Variants in GRM1 observed in about 807,000 individuals in gnomAD.
The protein encoded by GRM1 is metabotropic glutamate receptor 1.
In GRM1, 33 loss-of-function variants were observed where a neutral mutation model predicts 90.9. The ratio of observed to expected loss-of-function variants is 0.36; its 90% confidence interval spans 0.28 to 0.49. The LOEUF is 0.49. Ranked by LOEUF, GRM1 falls within the 20% of genes least tolerant of loss-of-function variation. The pLI is 0.99. For missense variants in GRM1, 1,190 were observed against 1,534.3 expected, an observed-to-expected ratio of 0.78 and a Z score of 3.75; for synonymous variants, 700 against 613.2, an observed-to-expected ratio of 1.14 and a Z score of -2.09.
At chr6:146,258,619 A>G (rs1781573479) in intron 2 of GRM1, among the ~76,000 whole-genome samples, 1 of 152,110 alleles carries the variant, frequency 6.6e-6, no homozygotes, top group South Asian at 2.1e-4. Flanking sequence ...TCCTGGGCTC[A>G]AGAGATCCTC....
intron 6 of GRM1, 126 bp from the exon 7 acceptor site, chr6:146,398,643 A>G: frequency 2.5e-6 from 2 of 784,984 alleles, no homozygotes; most frequent in Non-Finnish European, 4.6e-6. Flanking sequence ...TGCATTTTTA[A>G]AAAAGCATTA....
At chr6:146,420,463 G>A (rs1317686231) in intron 7 of GRM1, among the ~76,000 whole-genome samples, 1 of 152,236 alleles carries the variant, frequency 6.6e-6, no homozygotes, top group African/African-American at 2.4e-5. Flanking sequence ...AAATGACTGT[G>A]ACTCAGCTCA....
chr6:146,400,328 T>A (rs1447474428), intron 7 of GRM1, among the ~76,000 whole-genome samples: 1 of 152,208 alleles, frequency 6.6e-6, no homozygotes, highest in Non-Finnish European at 1.5e-5. Context: ...TTCCACGATG[T>A]TATACATGAA....
At chr6:146,222,413 G>A (rs1780094373) in intron 2 of GRM1, among the ~76,000 whole-genome samples, 1 of 152,014 alleles carries the variant, frequency 6.6e-6, no homozygotes, top group Non-Finnish European at 1.5e-5. Context: ...GTGTGTCTGT[G>A]TGTGTATGTG....
intron 1 of GRM1, among the ~76,000 whole-genome samples, chr6:146,145,358 C>CA (rs1777055269): frequency 6.6e-6 from 1 of 152,164 alleles, no homozygotes; most frequent in African/African-American, 2.4e-5. Context: ...GCTGTCCCCC[C>CA]ATCACAGCCC....
chr6:146,058,616 G>T (rs920718248), intron 1 of GRM1, among the ~76,000 whole-genome samples: 2 of 152,070 alleles, frequency 1.3e-5, no homozygotes, highest in Non-Finnish European at 2.9e-5. Flanking sequence ...AATAAAGTTT[G>T]CCACATCAAT....
In GRM1 at chr6:146,315,167, C is replaced by T. The variant is rs1456033701; in HGVS notation, c.1186+10321C>T. Among the ~76,000 whole-genome samples the T allele has an allele frequency of 3.3e-5, 5 of 152,218 alleles. No individual in the cohort carries two copies. In the East Asian group the frequency reaches 9.7e-4, roughly 29 times the overall value. Reference sequence around the variant, plus strand: ...GAGTTCAAGACCAGCCTGGGAACTACTGCAAGACCCTGTCTCTCCAAAAAG... The same window carrying T: ...GAGTTCAAGACCAGCCTGGGAACTATTGCAAGACCCTGTCTCTCCAAAAAG... On this transcript the variant is annotated intron_variant, in intron 3 of 7. Transcript: ENST00000282753.
At chr6:146,202,410 C>T (rs1359326379) in intron 2 of GRM1, among the ~76,000 whole-genome samples, 1 of 152,096 alleles carries the variant, frequency 6.6e-6, no homozygotes, top group South Asian at 2.1e-4. Context: ...ATCATCATAC[C>T]TATCTCACAG....
intron 3 of GRM1, among the ~76,000 whole-genome samples, chr6:146,314,115 G>A (rs1344650470): frequency 8.3e-6 from 1 of 120,618 alleles, no homozygotes; most frequent in Non-Finnish European, 1.6e-5. Flanking sequence ...TGCCCAGGCT[G>A]GAATGCAATA....
intron 3 of GRM1, among the ~76,000 whole-genome samples, chr6:146,327,583 T>A (rs1422735173): frequency 6.6e-6 from 1 of 152,190 alleles, no homozygotes; most frequent in African/African-American, 2.4e-5. Context: ...CTATAGCATC[T>A]TTGAGGTTAG....
At chr6:146,355,263 T>C (rs1785544070) in intron 4 of GRM1, among the ~76,000 whole-genome samples, 1 of 152,140 alleles carries the variant, frequency 6.6e-6, no homozygotes, top group South Asian at 2.1e-4. Flanking sequence ...GAGGTGTAGA[T>C]TAGTGTCATT....
intron 1 of GRM1, among the ~76,000 whole-genome samples, chr6:146,052,408 G>C (rs546678898): frequency 6.6e-6 from 1 of 151,986 alleles, no homozygotes; most frequent in Admixed American, 6.6e-5. Context: ...AGCCCCAGCC[G>C]TGGAGGCTCT....
At chr6:146,381,002 C>T (rs1446229937) in intron 5 of GRM1, among the ~76,000 whole-genome samples, 2 of 152,172 alleles carry the variant, frequency 1.3e-5, no homozygotes, top group African/African-American at 4.8e-5. Context: ...AGATGCAAGA[C>T]AATGTCCTCC....
chr6:146,106,298 A>G (rs1775296358), intron 1 of GRM1, among the ~76,000 whole-genome samples: 1 of 152,174 alleles, frequency 6.6e-6, no homozygotes, highest in Non-Finnish European at 1.5e-5. Context: ...CTTTCTATTA[A>G]TATTACAATA....
chr6:146,061,883 T>C (rs1775682954), intron 1 of GRM1, among the ~76,000 whole-genome samples: 1 of 152,130 alleles, frequency 6.6e-6, no homozygotes, highest in Non-Finnish European at 1.5e-5. Context: ...AGGAACACTT[T>C]TACATTGTTG....
intron 2 of GRM1, among the ~76,000 whole-genome samples, chr6:146,273,413 T>C (rs1782241268): frequency 6.6e-6 from 1 of 152,122 alleles, no homozygotes; most frequent in African/African-American, 2.4e-5. Context: ...TCAAAGGAGG[T>C]ATTCTTCAAA....
chr6:146,110,741 G>A (rs1285989091), intron 1 of GRM1, among the ~76,000 whole-genome samples: 1 of 152,020 alleles, frequency 6.6e-6, no homozygotes, highest in African/African-American at 2.4e-5. Context: ...TTCCTCATAG[G>A]CTGTTTTGTA....
At chr6:146,063,230 T>C (rs1163630197) in intron 1 of GRM1, among the ~76,000 whole-genome samples, 1 of 152,240 alleles carries the variant, frequency 6.6e-6, no homozygotes, top group Non-Finnish European at 1.5e-5. Flanking sequence ...TTTTAGTTTA[T>C]CTTCCTGGCT....
At chr6:146,348,903 G>GT in intron 3 of GRM1, among the ~76,000 whole-genome samples, 1 of 152,332 alleles carries the variant, frequency 6.6e-6, no homozygotes, top group South Asian at 2.1e-4. Context: ...AGAACAAGGA[G>GT]TGAGGAGGCA....
Sources: allele counts gnomAD v4.1 joint callset (sites outside exome capture counted in the v4.1 genomes callset), GRCh38; gene constraint gnomAD v4.1.1; transcripts MANE v1.5; gene names NCBI Gene and HGNC (gene_info 2026-07-23, HGNC 2026-07-21).